The following TCF4 variants were observed in gnomAD, a reference collection of about 807,000 sequenced individuals.
The protein encoded by TCF4 is SL3-3 enhancer factor 2.
In TCF4, 3 loss-of-function variants were observed where a neutral mutation model predicts 82.1. The observed-to-expected ratio is 0.04, with a 90% CI of 0.02 to 0.09. TCF4 has a LOEUF of 0.09. Among genes scored for constraint, TCF4 ranks in the 10% least tolerant of loss-of-function variants. TCF4 has a pLI of 1.00. For missense variants in TCF4, 518 were observed against 852.7 expected (o/e 0.61, Z 4.89); for synonymous variants, 276 against 309.6 (o/e 0.89, Z 1.14).
At chr18:55,236,583 T>C (rs10515969) in intron 15 of TCF4, among the ~76,000 whole-genome samples, 17,181 of 152,196 alleles carry the variant, frequency 0.11, 1,122 homozygotes, top group African/African-American at 0.15. Flanking sequence ...ACTCACTCTC[T>C]TATATATTTT....
chr18:55,408,604 C>T (rs1051518477), intron 5 of TCF4, among the ~76,000 whole-genome samples: 1 of 152,198 alleles, frequency 6.6e-6, no homozygotes, highest in Non-Finnish European at 1.5e-5. Flanking sequence ...GTATTAACCA[C>T]TGCTCAAAGC....
intron 3 of TCF4, chr18:55,546,912 C>G (rs1251944764): frequency 6.6e-6 from 1 of 152,224 alleles, no homozygotes; most frequent in African/African-American, 2.4e-5. Context: ...GTGTTTCCAT[C>G]AATCAGAGTA....
At chr18:55,322,583 C>T (rs2075888361) in intron 8 of TCF4, among the ~76,000 whole-genome samples, 1 of 152,176 alleles carries the variant, frequency 6.6e-6, no homozygotes, top group African/African-American at 2.4e-5. Context: ...CCGCGGGCCC[C>T]GGCCTCCCCG....
Position 55,627,742 on chromosome 18 carries a change from G to A in TCF4, c.286+3556C>T, listed in dbSNP as rs577036694. Among the ~76,000 whole-genome samples the A allele has an allele frequency of 2.0e-5, 3 of 151,852 alleles. No individual in the cohort carries two copies. In the South Asian group the frequency reaches 6.3e-4, roughly 32 times the overall value. ...ATCATGCCACTGCATTCCAGCCTGG[G>A]TGACAGAGTGAGACTCCATCTCAAA... On this transcript the variant is annotated intron_variant, in intron 2 of 20. Coordinates refer to the TCF4 transcript ENST00000398339.
At chr18:55,557,567 T>C (rs2097315434) in intron 3 of TCF4, among the ~76,000 whole-genome samples, 1 of 151,680 alleles carries the variant, frequency 6.6e-6, no homozygotes, top group Non-Finnish European at 1.5e-5. Context: ...AGGAGGAAAA[T>C]GAAAAAAAGA....
At chr18:55,529,078 C>T (rs1183990220) in intron 3 of TCF4, among the ~76,000 whole-genome samples, 2 of 151,898 alleles carry the variant, frequency 1.3e-5, no homozygotes. Flanking sequence ...CTCAGGAGGT[C>T]GAAGCAGGAG....
intron 15 of TCF4, among the ~76,000 whole-genome samples, chr18:55,248,049 C>T (rs577228664): frequency 1.3e-5 from 2 of 152,198 alleles, no homozygotes; most frequent in African/African-American, 4.8e-5. Context: ...TCTTAAATTC[C>T]CTGAGAGTCC....
chr18:55,592,671 T>C (rs2097686858), upstream of TCF4, among the ~76,000 whole-genome samples: 1 of 152,060 alleles, frequency 6.6e-6, no homozygotes. Context: ...CCCCAGCAGA[T>C]TGGACCCCAG....
intron 3 of TCF4, among the ~76,000 whole-genome samples, chr18:55,555,232 T>C (rs991921536): frequency 6.6e-6 from 1 of 152,180 alleles, no homozygotes; most frequent in Non-Finnish European, 1.5e-5. Context: ...AAATGCAACC[T>C]GTAAAAATGT....
chr18:55,399,872 TCTCTCTCTCACACA>T (rs1411824643), intron 6 of TCF4, among the ~76,000 whole-genome samples: 10 of 131,990 alleles, frequency 7.6e-5, no homozygotes, highest in African/African-American at 2.8e-4. Flanking sequence ...TCTCTCTCTC[TCTCTCTCTCACACA>T]CACACACACA....
chr18:55,225,492 C>T lies in TCF4; in HGVS notation c.*2543G>A, dbSNP rs954744454. On this transcript the variant is annotated 3_prime_UTR_variant, in exon 20 of 20. Coordinates refer to ENST00000354452, the MANE Select transcript of TCF4 (RefSeq NM_001083962.2). ...TAAAGAGTAAACACCGTATTTTCTT[C>T]TGTACACTTATCCTGAATGTGATCA... The T allele has an allele frequency of 6.6e-6, 1 of 152,548 alleles. No individual in the cohort carries two copies. Among genetic ancestry groups the T allele is most frequent in the African/African-American group, 2.4e-5 (1 of 41,432 alleles). The allele number at this position is 152,548 out of a possible 1,614,324, so 9.4% of individuals were successfully genotyped here.
At chr18:55,474,635 T>C (rs1420085063) in intron 3 of TCF4, among the ~76,000 whole-genome samples, 1 of 152,146 alleles carries the variant, frequency 6.6e-6, no homozygotes, top group African/African-American at 2.4e-5. Context: ...AGGAACCTCA[T>C]AAAAAACACA....
At chr18:55,589,003 T>G (rs981700758), upstream of TCF4, among the ~76,000 whole-genome samples, 1 of 152,190 alleles carries the variant, frequency 6.6e-6, no homozygotes, top group Admixed American at 6.5e-5. Context: ...ACATCACTTT[T>G]TAGGATAAAA....
intron 3 of TCF4, among the ~76,000 whole-genome samples, chr18:55,584,053 T>G (rs1453037923): frequency 6.6e-6 from 1 of 152,108 alleles, no homozygotes; most frequent in African/African-American, 2.4e-5. Flanking sequence ...GCATCTCACA[T>G]TTTTTAAAAC....
At chr18:55,411,614 A>C (rs950945213) in intron 5 of TCF4, among the ~76,000 whole-genome samples, 3 of 152,214 alleles carry the variant, frequency 2.0e-5, no homozygotes, top group African/African-American at 7.2e-5. Flanking sequence ...CTCAAATTCA[A>C]TTCATGGCTA....
At chr18:55,436,511 A>G (rs1302527182) in intron 5 of TCF4, among the ~76,000 whole-genome samples, 1 of 152,232 alleles carries the variant, frequency 6.6e-6, no homozygotes, top group Admixed American at 6.5e-5. Context: ...CAGAGGAGAC[A>G]TTAACCAATT....
chr18:55,388,477 T>C (rs529462467), intron 6 of TCF4, among the ~76,000 whole-genome samples: 7 of 152,246 alleles, frequency 4.6e-5, no homozygotes, highest in Non-Finnish European at 1.0e-4. Flanking sequence ...TTTGTCTATG[T>C]AAAGACAATG....
At chr18:55,474,674 C>T (rs1169692770) in intron 3 of TCF4, among the ~76,000 whole-genome samples, 1 of 152,156 alleles carries the variant, frequency 6.6e-6, no homozygotes, top group African/African-American at 2.4e-5. Context: ...GGGAACTGAT[C>T]AAGAAAAGAT....
At chr18:55,395,611 T>A (rs2146277633) in intron 6 of TCF4, among the ~76,000 whole-genome samples, 1 of 152,314 alleles carries the variant, frequency 6.6e-6, no homozygotes, top group Admixed American at 6.5e-5. Flanking sequence ...AATCGAAAAA[T>A]TATTGGGGCA....
Sources: allele counts gnomAD v4.1 joint callset (sites outside exome capture counted in the v4.1 genomes callset), GRCh38; gene constraint gnomAD v4.1.1; transcripts MANE v1.5; gene names NCBI Gene and HGNC (gene_info 2026-07-23, HGNC 2026-07-21).